Variants in STK11 observed in about 807,000 individuals in gnomAD.
STK11 encodes serine/threonine-protein kinase STK11.
In STK11, 8 loss-of-function variants were observed where a neutral mutation model predicts 47.3. The ratio of observed to expected loss-of-function variants is 0.17; its 90% confidence interval spans 0.10 to 0.31. The LOEUF (loss-of-function observed/expected upper bound fraction) is 0.31. Ranked by LOEUF, STK11 falls within the 10% of genes least tolerant of loss-of-function variation. The pLI is 1.00. For missense variants in STK11, 475 were observed against 605.0 expected (o/e 0.79, Z 2.25); for synonymous variants, 330 against 255.8 (o/e 1.29, Z -2.77).
At position 1,206,104 on chromosome 19, in the gene STK11, G is replaced by A. The variant is rs1305445314; in HGVS notation, c.-810G>A. ...CGGACGCTGAGGGCACTCGGGGCGGGGCGCGCGCTCGGGCAGACGTTTGCG... is the reference window on the plus strand; with the variant it reads ...CGGACGCTGAGGGCACTCGGGGCGGAGCGCGCGCTCGGGCAGACGTTTGCG... On this transcript the variant is annotated 5_prime_UTR_variant, in exon 1 of 10. Coordinates refer to ENST00000326873, the MANE Select transcript of STK11 (RefSeq NM_000455.5). 6.8e-6 allele frequency: 1 copy of A among 146,804 alleles called. No individual in the cohort carries two copies. The allele number at this position is 146,804 out of a possible 1,614,324, so 9.1% of individuals were successfully genotyped here. A position where few individuals can be genotyped will look rare whatever the true frequency, so the allele number is the denominator to read the frequency against.
At position 1,220,567 on chromosome 19, in the gene STK11, C is replaced by T. The variant is rs769378511; in HGVS notation, c.598-14C>T. 4.0e-5 allele frequency: 63 copies of T among 1,573,166 alleles called. No homozygotes were observed. The highest frequency in any genetic ancestry group is 3.1e-4 in the Admixed American group (17 of 55,370). ...TCCCGGGCACTCCCTGAGGGCTGCA[C>T]GGCACCGCCACAGGCACTGCACCCG... On this transcript the variant is annotated splice_polypyrimidine_tract_variant and intron_variant, in intron 4 of 9. Coordinates refer to ENST00000326873, the MANE Select transcript of STK11 (RefSeq NM_000455.5).
chr19:1,206,736 T>C lies in STK11; in HGVS notation c.-178T>C, dbSNP rs2080667893. The stretch of plus-strand genomic sequence containing the variant: ...CTTGGACTCGCAGCCGGGACTGACG[T>C]GTAGAACAATCGTTTCTGTTGGAAG... On this transcript the variant is annotated 5_prime_UTR_variant, in exon 1 of 10. Transcript: ENST00000326873. 1.2e-6 allele frequency: 1 copy of C among 869,222 alleles called. No homozygotes were observed. Among genetic ancestry groups the C allele is most frequent in the Non-Finnish European group, 1.7e-6 (1 of 586,210 alleles). The allele number at this position is 869,222 out of a possible 1,614,324, so 53.8% of individuals were successfully genotyped here. A position where few individuals can be genotyped will look rare whatever the true frequency, so the allele number is the denominator to read the frequency against.
In STK11 at chr19:1,220,655, T is replaced by G; in HGVS notation, c.672T>G (p.Ile224Met). Residue 224 changes from isoleucine to methionine, a missense_variant, in exon 5 of 10, where the codon ATT becomes ATG. Coordinates refer to ENST00000326873, the MANE Select transcript of STK11 (RefSeq NM_000455.5). ...CCCCGGCTTTCCAGCCGCCCGAGAT[T>G]GCCAACGGCCTGGACACCTTCTCCG... ...QGSPAFQPPE[I>M]ANGLDTFSGF... 6.2e-7 allele frequency: 1 copy of G among 1,610,602 alleles called. No individual in the cohort carries two copies. The highest frequency in any genetic ancestry group is 8.5e-7 in the Non-Finnish European group (1 of 1,178,954).
intron 7 of STK11, among the ~76,000 whole-genome samples, chr19:1,222,624 G>C (rs570005025): frequency 1.3e-4 from 19 of 151,194 alleles, no homozygotes; most frequent in African/African-American, 4.1e-4. Flanking sequence ...TGGGCGCCTG[G>C]CGGGGACTGG....
intron 1 of STK11, among the ~76,000 whole-genome samples, chr19:1,217,995 T>A (rs569755956): frequency 1.3e-5 from 2 of 152,168 alleles, no homozygotes; most frequent in African/African-American, 4.8e-5. Context: ...TACAAAAAAA[T>A]TAGCCGGCTG....
chr19:1,206,958 C>T lies in STK11; in HGVS notation c.45C>T (p.Gly15=), dbSNP rs786201234. 1.2e-6 allele frequency: 2 copies of T among 1,607,302 alleles called. No individual in the cohort carries two copies. The highest frequency in any genetic ancestry group is 1.7e-6 in the Non-Finnish European group (2 of 1,177,274). ...AGCAGCTGGGCATGTTCACGGAGGG[C>T]GAGCTGATGTCGGTGGGTATGGACA... The part of the protein sequence containing the change: ...DPQQLGMFTE[G]ELMSVGMDTF... The change falls in exon 1 of 10, where the codon GGC becomes GGT. Residue 15 remains glycine, a synonymous_variant. Coordinates refer to ENST00000326873, the MANE Select transcript of STK11 (RefSeq NM_000455.5).
chr19:1,226,315 T>C, intron 8 of STK11, 139 bp from the exon 9 acceptor site: 1 of 1,470,006 alleles, frequency 6.8e-7, no homozygotes, highest in East Asian at 2.5e-5. Context: ...TCAGGCTGGA[T>C]ACACCTGGGC....
chr19:1,226,839 C>A, intron 9 of STK11, 176 bp downstream of exon 9: 1 of 770,092 alleles, frequency 1.3e-6, no homozygotes, highest in Non-Finnish European at 1.9e-6. Context: ...GGTGCCGTCT[C>A]GGGGCCTGGT....
At chr19:1,217,005 CT>C (rs1368972319) in intron 1 of STK11, among the ~76,000 whole-genome samples, 1 of 151,808 alleles carries the variant, frequency 6.6e-6, no homozygotes, top group African/African-American at 2.4e-5. Flanking sequence ...GGAAGGGCCC[CT>C]GGGTGGTTCC....
chr19:1,222,918 C>G (rs2145430325), intron 7 of STK11, 67 bp from the exon 8 acceptor site: 1 of 1,474,932 alleles, frequency 6.8e-7, no homozygotes, highest in Non-Finnish European at 9.0e-7. Flanking sequence ...CCCAGAGGAG[C>G]TGGGTCGGAA....
chr19:1,209,541 C>T (rs2145409494), intron 1 of STK11, among the ~76,000 whole-genome samples: 1 of 152,102 alleles, frequency 6.6e-6, no homozygotes, highest in East Asian at 1.9e-4. Flanking sequence ...GAGATCGCAC[C>T]ATTGCGCTCC....
chr19:1,208,208 G>C (rs1048012964), intron 1 of STK11, among the ~76,000 whole-genome samples: 1 of 152,020 alleles, frequency 6.6e-6, no homozygotes, highest in Non-Finnish European at 1.5e-5. Context: ...GGGCTGCTGC[G>C]GTGTCTGCTC....
Position 1,224,900 on chromosome 19 carries a change from G to C in STK11, c.1109-1554G>C. 5.1e-6 allele frequency: 5 copies of C among 985,714 alleles called. No homozygotes were observed. The South Asian group carries it at 1.9e-4, about 37-fold the overall frequency. The allele number at this position is 985,714 out of a possible 1,614,324, so 61.1% of individuals were successfully genotyped here. A position where few individuals can be genotyped will look rare whatever the true frequency, so the allele number is the denominator to read the frequency against. ...GACAGGCTCAACTTCAGGCTTCAGC[G>C]TGAGCCCCGTCCCTGACCTGCAGAG... On this transcript the variant is annotated intron_variant, in intron 8 of 9. Coordinates refer to ENST00000326873, the MANE Select transcript of STK11 (RefSeq NM_000455.5).
intron 1 of STK11, among the ~76,000 whole-genome samples, chr19:1,210,968 G>A (rs1452017572): frequency 6.6e-6 from 1 of 151,850 alleles, no homozygotes; most frequent in Non-Finnish European, 1.5e-5. Flanking sequence ...TGAGACCAGC[G>A]TGGCCAACAT....
intron 8 of STK11, chr19:1,224,832 T>C (rs149988204): frequency 2.0e-6 from 2 of 985,506 alleles, no homozygotes; most frequent in East Asian, 1.1e-4. Flanking sequence ...TACTCAGTAC[T>C]GGGTACTCAG....
chr19:1,226,399 G>A, intron 8 of STK11, 55 bp from the exon 9 acceptor site: 1 of 1,580,814 alleles, frequency 6.3e-7, no homozygotes, highest in African/African-American at 1.3e-5. Context: ...CCAGGTCCCT[G>A]TGGCTCTGGG....
chr19:1,212,495 G>T (rs1289496531), intron 1 of STK11, among the ~76,000 whole-genome samples: 1 of 151,942 alleles, frequency 6.6e-6, no homozygotes, highest in Admixed American at 6.6e-5. Flanking sequence ...CAAGCTATCC[G>T]CCTGCCTGGG....
rs576059098 is a variant in STK11, at chr19:1,213,292, C to T, written c.291-5125C>T. Among the ~76,000 whole-genome samples the T allele has an allele frequency of 4.7e-4, 71 of 152,208 alleles. 1 individual carries two copies. In the South Asian group the frequency reaches 0.013, roughly 28 times the overall value. On this transcript the variant is annotated intron_variant, in intron 1 of 9. Transcript: ENST00000326873. Reference sequence around the variant, plus strand: ...GGTTACAGGTGTGAGCCACCGCACCCGGCAAAGTTCACCTTTTTAAAGTGT... The same window carrying T: ...GGTTACAGGTGTGAGCCACCGCACCTGGCAAAGTTCACCTTTTTAAAGTGT...
chr19:1,210,196 C>T (rs1046052779), intron 1 of STK11, among the ~76,000 whole-genome samples: 3 of 152,142 alleles, frequency 2.0e-5, no homozygotes, highest in African/African-American at 7.2e-5. Context: ...CTGGAGGCTG[C>T]CATGTGCAGA....
Sources: allele counts gnomAD v4.1 joint callset (sites outside exome capture counted in the v4.1 genomes callset), GRCh38; gene constraint gnomAD v4.1.1; transcripts MANE v1.5; gene names NCBI Gene and HGNC (gene_info 2026-07-23, HGNC 2026-07-21).